PTPRZ1: variants seen among roughly 807,000 people sequenced by gnomAD.
PTPRZ1 encodes receptor-type tyrosine-protein phosphatase zeta.
A neutral mutation model predicts 214.1 loss-of-function variants in PTPRZ1; 82 were observed. The observed-to-expected ratio is 0.38, with a 90% CI of 0.32 to 0.46. The LOEUF (loss-of-function observed/expected upper bound fraction) is 0.46, where lower values mean the gene tolerates loss of function less well. Ranked by LOEUF, PTPRZ1 falls within the 20% of genes least tolerant of loss-of-function variation. The pLI, the probability that PTPRZ1 is intolerant of heterozygous loss-of-function variation, is 1.00. For missense variants in PTPRZ1, 2,603 were observed against 2,748.7 expected (o/e 0.95, Z 1.19); for synonymous variants, 945 against 987.9 (o/e 0.96, Z 0.81).
intron 12 of PTPRZ1, 94 bp from the exon 13 acceptor site, chr7:122,019,030 T>G (rs1015989029): frequency 8.3e-7 from 1 of 1,205,490 alleles, no homozygotes; most frequent in Non-Finnish European, 1.1e-6. Context: ...TAAAGGTAAG[T>G]AACAGCAATG....
chr7:122,050,593 G>C (rs1284748991), intron 23 of PTPRZ1, among the ~76,000 whole-genome samples: 1 of 151,934 alleles, frequency 6.6e-6, no homozygotes, highest in African/African-American at 2.4e-5. Flanking sequence ...AAATAAATTG[G>C]CTGTAAATCT....
At chr7:121,892,999 C>G (rs1458879874) in intron 1 of PTPRZ1, among the ~76,000 whole-genome samples, 1 of 151,630 alleles carries the variant, frequency 6.6e-6, no homozygotes, top group Non-Finnish European at 1.5e-5. Flanking sequence ...ATCAGAGATA[C>G]AAATTTTTAA....
chr7:122,035,189 A>C (rs1799499668), intron 17 of PTPRZ1, among the ~76,000 whole-genome samples: 1 of 152,152 alleles, frequency 6.6e-6, no homozygotes, highest in South Asian at 2.1e-4. Context: ...GGTTATTTAA[A>C]TTCTGGTTTC....
At chr7:121,874,678 C>T (rs1245797493) in intron 1 of PTPRZ1, among the ~76,000 whole-genome samples, 1 of 152,032 alleles carries the variant, frequency 6.6e-6, no homozygotes, top group East Asian at 1.9e-4. Context: ...ATTGCAAATA[C>T]GGTGATAATT....
At chr7:122,000,081 T>A (rs1333446409) in intron 10 of PTPRZ1, among the ~76,000 whole-genome samples, 1 of 152,116 alleles carries the variant, frequency 6.6e-6, no homozygotes, top group East Asian at 1.9e-4. Context: ...CTATGCCTCT[T>A]AAAAACTAAG....
intron 1 of PTPRZ1, among the ~76,000 whole-genome samples, chr7:121,919,766 G>C (rs1795536109): frequency 6.6e-6 from 1 of 151,610 alleles, no homozygotes; most frequent in Admixed American, 6.6e-5. Flanking sequence ...TGCATCTATA[G>C]TAGGTTCTAT....
chr7:121,994,653 A>G (rs998376968), intron 8 of PTPRZ1, among the ~76,000 whole-genome samples: 3 of 152,122 alleles, frequency 2.0e-5, no homozygotes, highest in African/African-American at 7.2e-5. Context: ...CTAAAAGTGA[A>G]CTTGGGATTC....
intron 2 of PTPRZ1, among the ~76,000 whole-genome samples, chr7:121,952,584 CAAAA>C (rs948013787): frequency 1.5e-4 from 23 of 148,680 alleles, no homozygotes. Flanking sequence ...AGCACTGTCT[CAAAA>C]AAAAGAAAAG....
chr7:121,988,542 T>A (rs1287321872), intron 8 of PTPRZ1, among the ~76,000 whole-genome samples: 5 of 152,216 alleles, frequency 3.3e-5, no homozygotes, highest in Non-Finnish European at 7.3e-5. Context: ...GCTGTGGCAC[T>A]TTGCCTTTCT....
At chr7:122,009,457 T>TA (rs56259188) in intron 11 of PTPRZ1, among the ~76,000 whole-genome samples, 17 of 142,008 alleles carry the variant, frequency 1.2e-4, no homozygotes, top group African/African-American at 3.6e-4. Context: ...CCACATGAAC[T>TA]AAAAAAAAAA....
intron 15 of PTPRZ1, among the ~76,000 whole-genome samples, chr7:122,033,399 C>T (rs1353540534): frequency 6.6e-6 from 1 of 151,014 alleles, no homozygotes; most frequent in Non-Finnish European, 1.5e-5. Flanking sequence ...TTATATAATA[C>T]TAAATAATTA....
intron 1 of PTPRZ1, among the ~76,000 whole-genome samples, chr7:121,913,422 G>T (rs1222791903): frequency 6.6e-6 from 1 of 152,196 alleles, no homozygotes; most frequent in East Asian, 1.9e-4. Context: ...ATATGAAATA[G>T]TTTGAGAAGC....
At chr7:122,028,318 A>C (rs1278460612) in intron 13 of PTPRZ1, 1 of 370,292 alleles carries the variant, frequency 2.7e-6, no homozygotes, top group African/African-American at 2.1e-5. Context: ...TGCTTTTAGC[A>C]TGCCTGATAT....
chr7:122,013,553 G>A lies in PTPRZ1; in HGVS notation c.4507G>A (p.Gly1503Ser). ...DSQTGMDRSP[G>S]KSPSANGLSQ... Reference sequence around the variant, plus strand: ...TCAAACTGGTATGGACAGAAGTCCTGGTAAATCACCATCAGCAAATGGGCT... The same window carrying A: ...TCAAACTGGTATGGACAGAAGTCCTAGTAAATCACCATCAGCAAATGGGCT... Residue 1503 changes from glycine to serine, a missense_variant, in exon 12 of 30, where the codon GGT (glycine) becomes AGT (serine). Physicochemically the swap from Gly to Ser is moderately conservative, Grantham distance 56. Transcript: ENST00000393386. The A allele has an allele frequency of 1.2e-6, 2 of 1,614,126 alleles. No individual in the cohort carries two copies. Among genetic ancestry groups the A allele is most frequent in the Middle Eastern group, 1.6e-4 (1 of 6,062 alleles).
intron 1 of PTPRZ1, among the ~76,000 whole-genome samples, chr7:121,890,530 G>A (rs958050974): frequency 6.6e-6 from 1 of 152,132 alleles, no homozygotes; most frequent in African/African-American, 2.4e-5. Flanking sequence ...GGGTGATTTT[G>A]TTCAAATGTA....
intron 1 of PTPRZ1, among the ~76,000 whole-genome samples, chr7:121,909,112 A>G (rs1795198707): frequency 6.6e-6 from 1 of 152,234 alleles, no homozygotes; most frequent in African/African-American, 2.4e-5. Flanking sequence ...AACACAATAC[A>G]TGCCTTAAAA....
intron 1 of PTPRZ1, among the ~76,000 whole-genome samples, chr7:121,924,649 G>A (rs1795704233): frequency 6.6e-6 from 1 of 152,158 alleles, no homozygotes; most frequent in Non-Finnish European, 1.5e-5. Context: ...TTATCCTTTA[G>A]AAGGAATCAT....
chr7:121,882,287 A>C (rs1438543154), intron 1 of PTPRZ1, among the ~76,000 whole-genome samples: 1 of 152,200 alleles, frequency 6.6e-6, no homozygotes, highest in Non-Finnish European at 1.5e-5. Flanking sequence ...GGTCTCATAC[A>C]TGATGGAGTT....
intron 20 of PTPRZ1, among the ~76,000 whole-genome samples, chr7:122,039,864 G>C (rs904702570): frequency 4.6e-5 from 7 of 151,950 alleles, no homozygotes; most frequent in African/African-American, 1.7e-4. Context: ...TGAGTGTGGT[G>C]GTGCACACTT....
Sources: allele counts gnomAD v4.1 joint callset (sites outside exome capture counted in the v4.1 genomes callset), GRCh38; gene constraint gnomAD v4.1.1; transcripts MANE v1.5; gene names NCBI Gene and HGNC (gene_info 2026-07-23, HGNC 2026-07-21).